ZBBX: variants seen among roughly 807,000 people sequenced by gnomAD.
ZBBX encodes the protein zinc finger B-box domain containing.
Under a neutral mutation model 108.5 loss-of-function variants are expected in ZBBX, and 101 were observed. The ratio of observed to expected loss-of-function variants is 0.93; its 90% confidence interval spans 0.79 to 1.10. The LOEUF is 1.10. Among genes scored for constraint, ZBBX ranks in the 50% least tolerant of loss-of-function variants. ZBBX has a pLI of 0.00. For synonymous variants in ZBBX, 356 were observed against 323.4 expected, an observed-to-expected ratio of 1.10 and a Z score of -1.08; for missense variants, 1,009 against 941.4, an observed-to-expected ratio of 1.07 and a Z score of -0.94.
At chr3:167,405,682 T>C (rs1270613474) in intron 1 of ZBBX, among the ~76,000 whole-genome samples, 2 of 152,216 alleles carry the variant, frequency 1.3e-5, no homozygotes, top group East Asian at 1.9e-4. Flanking sequence ...AAATTAGTAA[T>C]TGAAGAAGGT....
At chr3:167,306,071 C>T in intron 16 of ZBBX, 121 bp from the exon 17 acceptor site, 2 of 707,844 alleles carry the variant, frequency 2.8e-6, no homozygotes, top group Non-Finnish European at 4.3e-6. Context: ...TTCACAAATT[C>T]CTTTACTGAT....
rs189916945 is a variant in ZBBX, at chr3:167,311,831, G to C, written c.1417+2143C>G. Among the ~76,000 whole-genome samples, 47 of 152,164 alleles carry C rather than the reference G, an allele frequency of 3.1e-4. No individual in the cohort carries two copies. The East Asian group carries it at 8.3e-3, about 27-fold the overall frequency. On this transcript the variant is annotated intron_variant, in intron 16 of 21. Transcript: ENST00000675490. ...CAGGAACTTTCATTAATTGCTGGTGGGAATGTAAAATAGTACAGCTACTTT... is the reference window on the plus strand; with the variant it reads ...CAGGAACTTTCATTAATTGCTGGTGCGAATGTAAAATAGTACAGCTACTTT...
intron 18 of ZBBX, among the ~76,000 whole-genome samples, chr3:167,292,468 T>A (rs1439772536): frequency 2.0e-5 from 3 of 152,036 alleles, no homozygotes; most frequent in Admixed American, 2.0e-4. Context: ...AATAACAAAA[T>A]GAAGGCAGTA....
chr3:167,223,766 T>A, the ZBBX span, among the ~76,000 whole-genome samples: 1 of 151,976 alleles, frequency 6.6e-6, no homozygotes, highest in East Asian at 1.9e-4. Flanking sequence ...ATATTTTTAG[T>A]CCTTAAGAAT....
At chr3:167,187,567 C>T in the ZBBX span, among the ~76,000 whole-genome samples, 1 of 152,150 alleles carries the variant, frequency 6.6e-6, no homozygotes, top group Non-Finnish European at 1.5e-5. Context: ...ACAGCACCTT[C>T]CATTGTCACA....
intron 17 of ZBBX, among the ~76,000 whole-genome samples, chr3:167,301,138 AC>A (rs1467429562): frequency 6.6e-6 from 1 of 152,066 alleles, no homozygotes; most frequent in African/African-American, 2.4e-5. Flanking sequence ...CATGTCACAC[AC>A]CTTCCTTTTA....
the ZBBX span, among the ~76,000 whole-genome samples, chr3:167,210,336 A>C: frequency 2.0e-5 from 3 of 152,128 alleles, no homozygotes; most frequent in Non-Finnish European, 2.9e-5. Context: ...TTGAAAACAG[A>C]CTATTCAAAA....
chr3:167,316,215 GTC>G (rs2108289540), intron 14 of ZBBX, among the ~76,000 whole-genome samples: 1 of 152,130 alleles, frequency 6.6e-6, no homozygotes, highest in East Asian at 1.9e-4. Flanking sequence ...TTTTTGTCCA[GTC>G]TCTCAAATTT....
Position 167,313,942 on chromosome 3 carries a change from T to A in ZBBX, c.1417+32A>T, listed in dbSNP as rs767748793. 4.5e-6 allele frequency: 7 copies of A among 1,541,962 alleles called. No individual in the cohort carries two copies. The South Asian group carries it at 9.1e-5, about 20-fold the overall frequency. ...AATAGTAAATTATCAACATGCACTG[T>A]TAATAATATCCAGCAACAAGAAAAA... On this transcript the variant is annotated intron_variant, in intron 16 of 21. Coordinates refer to ENST00000675490, the MANE Select transcript of ZBBX (RefSeq NM_001199201.2).
chr3:167,343,096 C>T (rs1172439613), intron 9 of ZBBX, among the ~76,000 whole-genome samples: 1 of 151,892 alleles, frequency 6.6e-6, no homozygotes, highest in Non-Finnish European at 1.5e-5. Context: ...TGAATTTCTA[C>T]TAATACTGTA....
At chr3:167,288,174 T>G (rs1034234515) in intron 19 of ZBBX, among the ~76,000 whole-genome samples, 2 of 152,092 alleles carry the variant, frequency 1.3e-5, no homozygotes, top group Non-Finnish European at 2.9e-5. Context: ...CTTCCTACTT[T>G]GGCATAGAGC....
In ZBBX at chr3:167,373,719, G is replaced by T. The variant is rs1190156494; in HGVS notation, c.-63C>A. On this transcript the variant is annotated 5_prime_UTR_variant, in exon 3 of 22. Coordinates refer to ENST00000675490, the MANE Select transcript of ZBBX (RefSeq NM_001199201.2). ...AAATATATTTACTATTTATTAAGTG[G>T]AAGTGAATCATGATCAGGGGCTTCA... 1 of 152,106 alleles carries T rather than the reference G, an allele frequency of 6.6e-6. No individual in the cohort carries two copies. Among genetic ancestry groups the T allele is most frequent in the East Asian group, 1.9e-4 (1 of 5,196 alleles). The allele number at this position is 152,106 out of a possible 1,614,324, so 9.4% of individuals were successfully genotyped here.
intron 20 of ZBBX, among the ~76,000 whole-genome samples, chr3:167,255,135 G>A (rs1272422121): frequency 1.3e-5 from 2 of 151,984 alleles, no homozygotes; most frequent in African/African-American, 4.8e-5. Context: ...TACCTGCAGG[G>A]AAAAATTATA....
chr3:167,212,140 A>G, the ZBBX span, among the ~76,000 whole-genome samples: 33 of 152,258 alleles, frequency 2.2e-4, no homozygotes, highest in East Asian at 4.5e-3. Context: ...ACAGGCTGCC[A>G]TCTTTGCTGT....
At chr3:167,335,376 T>G (rs1739382052) in intron 9 of ZBBX, among the ~76,000 whole-genome samples, 1 of 152,100 alleles carries the variant, frequency 6.6e-6, no homozygotes, top group Non-Finnish European at 1.5e-5. Context: ...AAGGCCCCAT[T>G]CTCTGAAGGG....
chr3:167,306,377 G>A (rs1733649400), intron 16 of ZBBX, among the ~76,000 whole-genome samples: 1 of 152,136 alleles, frequency 6.6e-6, no homozygotes, highest in Non-Finnish European at 1.5e-5. Context: ...GAGGGCACAG[G>A]GAAATGTGCC....
chr3:167,197,243 G>A, the ZBBX span, among the ~76,000 whole-genome samples: 138 of 152,216 alleles, frequency 9.1e-4, no homozygotes, highest in African/African-American at 3.3e-3. Context: ...AAGGAGTTAA[G>A]AATTTAAAAT....
chr3:167,231,266 C>T, the ZBBX span, among the ~76,000 whole-genome samples: 13 of 151,672 alleles, frequency 8.6e-5, no homozygotes, highest in African/African-American at 2.9e-4. Flanking sequence ...AGACTCTTCC[C>T]TAAGCATAGC....
chr3:167,288,599 C>T (rs1266122944), intron 19 of ZBBX, among the ~76,000 whole-genome samples: 1 of 152,056 alleles, frequency 6.6e-6, no homozygotes, highest in African/African-American at 2.4e-5. Context: ...TATGCCATAT[C>T]CTTAACTACA....
Sources: allele counts gnomAD v4.1 joint callset (sites outside exome capture counted in the v4.1 genomes callset), GRCh38; gene constraint gnomAD v4.1.1; transcripts MANE v1.5; gene names NCBI Gene and HGNC (gene_info 2026-07-23, HGNC 2026-07-21).